Variants in NOL4L observed in about 807,000 individuals in gnomAD.
NOL4L encodes the protein nucleolar protein 4 like.
Under a neutral mutation model 64.5 loss-of-function variants are expected in NOL4L, and 7 were observed. The observed-to-expected ratio is 0.11, with a 90% CI of 0.06 to 0.20. NOL4L has a LOEUF of 0.20. NOL4L is among the 10% of genes least tolerant of loss of function. The pLI, the probability that NOL4L is intolerant of heterozygous loss-of-function variation, is 1.00. For synonymous variants in NOL4L, 413 were observed against 401.0 expected (o/e 1.03, Z -0.36); for missense variants, 680 against 967.1 (o/e 0.70, Z 3.94).
chr20:32,544,611 G>C (rs1436821583), intron 1 of NOL4L, among the ~76,000 whole-genome samples: 9 of 152,168 alleles, frequency 5.9e-5, no homozygotes, highest in Non-Finnish European at 1.2e-4. Context: ...GCTGGAAGGA[G>C]AGAGGCAGGG....
rs985310001 is a variant in NOL4L at position 32,494,265 on chromosome 20, A to C, written c.699+17082T>G. On this transcript the variant is annotated intron_variant, in intron 4 of 10. Transcript: ENST00000621426. ...GAGATAATCTCGGGAAAAAAAAAAA[A>C]AAAAAAAAAAAAAAAAACACACAAC... 1.3e-3 allele frequency among the ~76,000 whole-genome samples: 185 copies of C among 140,118 alleles called. 5 individuals carry two copies. The highest frequency in any genetic ancestry group is 0.01 in the Middle Eastern group (3 of 286). The allele number at this position is 140,118 out of a possible 152,430, so 91.9% of individuals were successfully genotyped here. A position where few individuals can be genotyped will look rare whatever the true frequency, so the allele number is the denominator to read the frequency against.
At chr20:32,539,382 C>A (rs2018614321) in intron 1 of NOL4L, among the ~76,000 whole-genome samples, 1 of 152,180 alleles carries the variant, frequency 6.6e-6, no homozygotes, top group Non-Finnish European at 1.5e-5. Flanking sequence ...CGTGAGAGAA[C>A]CTGGGCTTTG....
Position 32,447,049 on chromosome 20 carries a change from CAGCCCACA to C in NOL4L, c.*539_*546del. The C allele has an allele frequency of 2.8e-6, 1 of 353,772 alleles. No homozygotes were observed. The allele number at this position is 353,772 out of a possible 1,614,324, so 21.9% of individuals were successfully genotyped here. On this transcript the variant is annotated 3_prime_UTR_variant, in exon 11 of 11. Transcript: ENST00000621426. ...GCACCTGTCCTGCCCCTACTGGCCC[CAGCCCACA>C]TCAGTGTAGTGATATGGAATGTTAG...
chr20:32,443,288 G>C lies in NOL4L; in HGVS notation c.*4308C>G, dbSNP rs999169926. 1 of 152,206 alleles carries C rather than the reference G, an allele frequency of 6.6e-6. No individual in the cohort carries two copies. Among genetic ancestry groups the C allele is most frequent in the Non-Finnish European group, 1.5e-5 (1 of 68,024 alleles). The allele number at this position is 152,206 out of a possible 1,614,324, so 9.4% of individuals were successfully genotyped here. A position where few individuals can be genotyped will look rare whatever the true frequency, so the allele number is the denominator to read the frequency against. On this transcript the variant is annotated 3_prime_UTR_variant, in exon 11 of 11. Coordinates refer to ENST00000621426, the MANE Select transcript of NOL4L (RefSeq NM_001256798.2). ...AAACAGAATTTAGTCACATCACGTA[G>C]AGAAGACACATTCTAAGAATTAAAA...
In NOL4L at chr20:32,488,793, T is replaced by TCC. The variant is rs1304215016; in HGVS notation, c.700-14052_700-14051insGG. ...TTCCTTCCTTCCTTCCTTCCTTCCT[T>TCC]TCTTTCTTTCTTTTTCTTTCTTTCT... On this transcript the variant is annotated intron_variant, in intron 4 of 10. Coordinates refer to ENST00000621426, the MANE Select transcript of NOL4L (RefSeq NM_001256798.2). Among the ~76,000 whole-genome samples the TCC allele has an allele frequency of 0.027, 724 of 26,820 alleles. 72 individuals are homozygous for TCC. In the East Asian group the frequency reaches 0.3, roughly 11 times the overall value. 17.6% of individuals were successfully genotyped at this position (26,820 alleles called of 152,430 possible).
chr20:32,455,648 A>T (rs73906142), intron 6 of NOL4L, among the ~76,000 whole-genome samples: 2,155 of 152,306 alleles, frequency 0.014, 44 homozygotes, highest in African/African-American at 0.049. Flanking sequence ...ACCACCGTCC[A>T]TCAGCCTAGT....
intron 5 of NOL4L, among the ~76,000 whole-genome samples, chr20:32,465,553 G>A (rs1022700889): frequency 1.3e-5 from 2 of 152,234 alleles, no homozygotes; most frequent in Admixed American, 1.3e-4. Flanking sequence ...GCCAAGCACA[G>A]GCGGTGAGAA....
rs745434199 is a variant in NOL4L at position 32,452,370 on chromosome 20, G to A, written c.1688C>T (p.Ser563Leu). The change falls in exon 10 of 11, where the codon TCA (serine) becomes TTA (leucine). Residue 563 changes from serine to leucine, a missense_variant. Transcript: ENST00000621426. Reference sequence around the variant, plus strand: ...CTGGGAGTAGGAGGAGGCTGGCAGTGAGTAGGTGGAGTGGGTGATGGCTGC... The same window carrying A: ...CTGGGAGTAGGAGGAGGCTGGCAGTAAGTAGGTGGAGTGGGTGATGGCTGC... ...DSAAITHSTY[S>L]LPASSYSQDP... is the part of the protein sequence containing the mutation. 6.2e-7 allele frequency: 1 copy of A among 1,612,660 alleles called. No homozygotes were observed. Among genetic ancestry groups the A allele is most frequent in the Non-Finnish European group, 8.5e-7 (1 of 1,179,260 alleles).
At chr20:32,465,043 T>C in intron 5 of NOL4L, 1 of 635,628 alleles carries the variant, frequency 1.6e-6, no homozygotes, top group Non-Finnish European at 2.9e-6. Flanking sequence ...ACCCTGGGGT[T>C]CCTGGCCCGT....
At position 32,523,042 on chromosome 20, in the gene NOL4L, C is replaced by T. The variant is rs561282871; in HGVS notation, c.478-2120G>A. Reference sequence around the variant, plus strand: ...AGGATGGGCAGGGCCCTTCTTGCTGCCTGGCCAGCTGAGGGAATAGGAATG... The same window carrying T: ...AGGATGGGCAGGGCCCTTCTTGCTGTCTGGCCAGCTGAGGGAATAGGAATG... On this transcript the variant is annotated intron_variant, in intron 2 of 10. Transcript: ENST00000621426. 1.6e-4 allele frequency among the ~76,000 whole-genome samples: 24 copies of T among 152,292 alleles called. 1 individual carries two copies. In the South Asian group the frequency reaches 5.0e-3, roughly 32 times the overall value.
At chr20:32,569,060 T>C (rs1979607048) in intron 1 of NOL4L, among the ~76,000 whole-genome samples, 4 of 152,216 alleles carry the variant, frequency 2.6e-5, no homozygotes, top group Admixed American at 2.6e-4. Flanking sequence ...CCTGTCCTTA[T>C]GGAGCCCAAG....
chr20:32,460,578 C>T lies in NOL4L; in HGVS notation c.842-4183G>A, dbSNP rs1047580336. ...GAGTGGGTCCCACAGCCGTAAAACACGGTTCTAAGGTGAGGATGGTGCCCG... is the reference window on the plus strand; with the variant it reads ...GAGTGGGTCCCACAGCCGTAAAACATGGTTCTAAGGTGAGGATGGTGCCCG... On this transcript the variant is annotated intron_variant, in intron 5 of 10. Transcript: ENST00000621426. This position sits in a 1 kb window ranked among gnomAD's most constrained non-coding sequence, Gnocchi z 5.7. Among the ~76,000 whole-genome samples, 4 of 152,228 alleles carry T rather than the reference C, an allele frequency of 2.6e-5. No individual in the cohort carries two copies. Among genetic ancestry groups the T allele is most frequent in the African/African-American group, 7.2e-5 (3 of 41,450 alleles).
chr20:32,477,409 C>T (rs1448705487), intron 4 of NOL4L, among the ~76,000 whole-genome samples: 2 of 152,218 alleles, frequency 1.3e-5, no homozygotes, highest in Non-Finnish European at 2.9e-5. Flanking sequence ...CTAGAACCCA[C>T]ACTGCTGCTG....
intron 4 of NOL4L, chr20:32,485,588 T>A (rs965118181): frequency 2.9e-6 from 1 of 350,192 alleles, no homozygotes; most frequent in Non-Finnish European, 5.9e-6. Context: ...TTCAAACCAA[T>A]TCACTCTCCC....
chr20:32,490,522 T>C (rs1398897761), intron 4 of NOL4L, among the ~76,000 whole-genome samples: 2 of 152,174 alleles, frequency 1.3e-5, no homozygotes, highest in Non-Finnish European at 2.9e-5. Context: ...GGCTGGGCCA[T>C]AGCGCTGACT....
chr20:32,499,177 A>C (rs961995715), intron 4 of NOL4L, among the ~76,000 whole-genome samples: 8 of 151,998 alleles, frequency 5.3e-5, no homozygotes, highest in African/African-American at 1.9e-4. Context: ...GCTCCTGGCC[A>C]AAAAAAATTT....
intron 1 of NOL4L, among the ~76,000 whole-genome samples, chr20:32,555,071 T>C (rs1056970990): frequency 6.6e-6 from 1 of 152,166 alleles, no homozygotes; most frequent in Non-Finnish European, 1.5e-5. Flanking sequence ...CTGACCATGC[T>C]GGCTTCCCCC....
intron 4 of NOL4L, among the ~76,000 whole-genome samples, chr20:32,488,855 CTTTCTTTCT>C (rs2016312042): frequency 1.4e-5 from 1 of 73,570 alleles, no homozygotes; most frequent in African/African-American, 8.1e-5. Flanking sequence ...TTCTTTCTTT[CTTTCTTTCT>C]TTCTTTCTTT....
At chr20:32,509,753 A>C (rs1305163053) in intron 4 of NOL4L, 33 of 1,276,552 alleles carry the variant, frequency 2.6e-5, no homozygotes, top group Non-Finnish European at 3.2e-5. Flanking sequence ...GAGAGATCGC[A>C]ACTTGCACGA....
Sources: allele counts gnomAD v4.1 joint callset (sites outside exome capture counted in the v4.1 genomes callset), GRCh38; gene constraint gnomAD v4.1.1; non-coding constraint Gnocchi (gnomAD v3.1); transcripts MANE v1.5; gene names NCBI Gene and HGNC (gene_info 2026-07-23, HGNC 2026-07-21).